Variants in KCTD8 observed in about 807,000 individuals in gnomAD.
KCTD8 encodes the protein BTB/POZ domain-containing protein KCTD8.
Under a neutral mutation model 31.5 loss-of-function variants are expected in KCTD8, and 27 were observed. The ratio of observed to expected loss-of-function variants is 0.86; its 90% confidence interval spans 0.63 to 1.18. The LOEUF is 1.18. Ranked by LOEUF, KCTD8 falls within the 50% of genes most tolerant of loss-of-function variation. KCTD8 has a pLI of 0.00. For missense variants in KCTD8, 658 were observed against 647.7 expected (o/e 1.02, Z -0.17); for synonymous variants, 290 against 280.0 (o/e 1.04, Z -0.36).
chr4:44,254,992 T>C (rs1254301742), intron 1 of KCTD8, among the ~76,000 whole-genome samples: 2 of 151,902 alleles, frequency 1.3e-5, no homozygotes, highest in Non-Finnish European at 2.9e-5. Context: ...CCTAGGGGTT[T>C]CCACACCCCA....
At chr4:44,278,870 C>T (rs963698562) in intron 1 of KCTD8, among the ~76,000 whole-genome samples, 71 of 152,048 alleles carry the variant, frequency 4.7e-4, no homozygotes, top group Admixed American at 4.7e-3. Flanking sequence ...CTTCTGCATG[C>T]TTTCCCCAAT....
At chr4:44,177,290 C>T (rs1713246831) in intron 1 of KCTD8, among the ~76,000 whole-genome samples, 1 of 152,076 alleles carries the variant, frequency 6.6e-6, no homozygotes. Context: ...CCACCCCACC[C>T]CCAGGAATGT....
intron 1 of KCTD8, among the ~76,000 whole-genome samples, chr4:44,406,378 G>C (rs1051557776): frequency 2.0e-5 from 3 of 152,140 alleles, no homozygotes; most frequent in African/African-American, 7.2e-5. Flanking sequence ...ATTCCCACCT[G>C]TTGTGGGAGG....
intron 1 of KCTD8, among the ~76,000 whole-genome samples, chr4:44,271,858 C>T (rs972854693): frequency 9.9e-5 from 15 of 152,144 alleles, no homozygotes; most frequent in Non-Finnish European, 5.9e-5. Flanking sequence ...GTTTGGGGCT[C>T]TCAGCTCTGA....
chr4:44,215,832 G>C (rs1363960700), intron 1 of KCTD8, among the ~76,000 whole-genome samples: 1 of 152,178 alleles, frequency 6.6e-6, no homozygotes, highest in African/African-American at 2.4e-5. Context: ...GAAAAGAGCA[G>C]GGTCTGCCTT....
chr4:44,419,704 G>A, intron 1 of KCTD8, among the ~76,000 whole-genome samples: 1 of 151,892 alleles, frequency 6.6e-6, no homozygotes, highest in Admixed American at 6.6e-5. Flanking sequence ...CCTGTCGGGG[G>A]ATGGGGGGCT....
chr4:44,348,524 T>C (rs1288396610), intron 1 of KCTD8, among the ~76,000 whole-genome samples: 2 of 152,206 alleles, frequency 1.3e-5, no homozygotes, highest in Non-Finnish European at 2.9e-5. Flanking sequence ...TTTTGATCAA[T>C]GATATTCATT....
intron 1 of KCTD8, among the ~76,000 whole-genome samples, chr4:44,304,042 G>T (rs1478735342): frequency 6.6e-6 from 1 of 152,110 alleles, no homozygotes; most frequent in Non-Finnish European, 1.5e-5. Flanking sequence ...AAAGGCTCAT[G>T]CAGTCATCCA....
chr4:44,281,602 A>G (rs62304824), intron 1 of KCTD8, among the ~76,000 whole-genome samples: 35,129 of 152,070 alleles, frequency 0.23, 4,798 homozygotes, highest in Non-Finnish European at 0.31. Context: ...GTGGTGATTT[A>G]CTGTTGCCGT....
rs189900985 is a variant in KCTD8, at chr4:44,317,078, G to A, written c.961+130485C>T. Among the ~76,000 whole-genome samples the A allele has an allele frequency of 5.3e-5, 8 of 151,272 alleles. No individual in the cohort carries two copies. In the East Asian group the frequency reaches 1.6e-3, roughly 29 times the overall value. Reference sequence around the variant, plus strand: ...AAGGAGGCTGTAATTGGGCACAGAAGGAATCATTTTACTGCTGTATGAAGC... The same window carrying A: ...AAGGAGGCTGTAATTGGGCACAGAAAGAATCATTTTACTGCTGTATGAAGC... On this transcript the variant is annotated intron_variant, in intron 1 of 1. Coordinates refer to ENST00000360029, the MANE Select transcript of KCTD8 (RefSeq NM_198353.3).
chr4:44,190,734 C>A lies in KCTD8; in HGVS notation c.962-15484G>T, dbSNP rs75698235. On this transcript the variant is annotated intron_variant, in intron 1 of 1. Coordinates refer to ENST00000360029, the MANE Select transcript of KCTD8 (RefSeq NM_198353.3). ...AGATATGACTGTAGGGGACTAAGTCCCCCAATCCCAACTACAGTAGGGGAG... is the reference window on the plus strand; with the variant it reads ...AGATATGACTGTAGGGGACTAAGTCACCCAATCCCAACTACAGTAGGGGAG... Among the ~76,000 whole-genome samples, 47 of 152,258 alleles carry A rather than the reference C, an allele frequency of 3.1e-4. No homozygotes were observed. The South Asian group carries it at 4.1e-3, about 13-fold the overall frequency.
intron 1 of KCTD8, among the ~76,000 whole-genome samples, chr4:44,301,464 C>A (rs1275725091): frequency 6.6e-6 from 1 of 152,200 alleles, no homozygotes; most frequent in African/African-American, 2.4e-5. Flanking sequence ...TCTCTGATGG[C>A]CAGTGATGAT....
chr4:44,267,426 C>T (rs1277149307), intron 1 of KCTD8, among the ~76,000 whole-genome samples: 2 of 152,052 alleles, frequency 1.3e-5, no homozygotes, highest in African/African-American at 2.4e-5. Flanking sequence ...GCACTAAATG[C>T]CCACAAGAGA....
intron 1 of KCTD8, among the ~76,000 whole-genome samples, chr4:44,287,728 A>T (rs992253948): frequency 6.6e-6 from 1 of 152,192 alleles, no homozygotes; most frequent in Admixed American, 6.6e-5. Context: ...CACAGCAGGC[A>T]TTACTAATTT....
intron 1 of KCTD8, among the ~76,000 whole-genome samples, chr4:44,361,295 G>A (rs568508067): frequency 1.1e-3 from 162 of 152,026 alleles, no homozygotes; most frequent in Admixed American, 2.3e-3. Flanking sequence ...TACTAGACAC[G>A]TTAAGAAGTC....
intron 1 of KCTD8, among the ~76,000 whole-genome samples, chr4:44,300,727 T>C (rs1717587346): frequency 6.6e-6 from 1 of 152,166 alleles, no homozygotes; most frequent in East Asian, 1.9e-4. Context: ...CTTTTTTTTA[T>C]TATTATACTT....
chr4:44,204,835 T>C (rs186691417), intron 1 of KCTD8, among the ~76,000 whole-genome samples: 2 of 152,162 alleles, frequency 1.3e-5, no homozygotes, highest in Non-Finnish European at 2.9e-5. Context: ...AAAATATTAT[T>C]TTTATTTGAT....
intron 1 of KCTD8, among the ~76,000 whole-genome samples, chr4:44,414,208 A>T (rs1320027026): frequency 6.6e-6 from 1 of 152,164 alleles, no homozygotes; most frequent in Non-Finnish European, 1.5e-5. Flanking sequence ...TGAAAAAAAA[A>T]AAGAAGAGCA....
chr4:44,445,891 A>G (rs1050447187), intron 1 of KCTD8, among the ~76,000 whole-genome samples: 1 of 152,258 alleles, frequency 6.6e-6, no homozygotes, highest in African/African-American at 2.4e-5. Flanking sequence ...GTGCTAAAAT[A>G]CTTAATTACT....
Sources: gnomAD v4.1 joint callset for allele counts (sites outside exome capture counted in the v4.1 genomes callset) on GRCh38, gnomAD v4.1.1 for gene constraint, MANE v1.5 for transcripts, NCBI Gene and HGNC (gene_info 2026-07-23, HGNC 2026-07-21) for gene names.